USH2A: variants seen among roughly 807,000 people sequenced by gnomAD.
USH2A encodes usherin.
A neutral mutation model predicts 538.9 loss-of-function variants in USH2A; 443 were observed. The ratio of observed to expected loss-of-function variants is 0.82; its 90% CI spans 0.76 to 0.89. The LOEUF is 0.89. Among genes scored for constraint, USH2A ranks in the 40% least tolerant of loss-of-function variants. The pLI is 0.00. For synonymous variants in USH2A, 2,413 were observed against 2,273.5 expected (o/e 1.06, Z -1.75); for missense variants, 6,633 against 6,324.8 (o/e 1.05, Z -1.65).
intron 38 of USH2A, among the ~76,000 whole-genome samples, chr1:215,929,926 G>A (rs1266558012): frequency 6.6e-6 from 1 of 151,798 alleles, no homozygotes; most frequent in Admixed American, 6.6e-5. Flanking sequence ...GTGGATAAGT[G>A]GAGAGGGGGT....
At chr1:215,980,332 A>T (rs1667721481) in intron 35 of USH2A, among the ~76,000 whole-genome samples, 1 of 152,184 alleles carries the variant, frequency 6.6e-6, no homozygotes, top group South Asian at 2.1e-4. Context: ...ACAGCTAGGA[A>T]GTGGTAGAGC....
chr1:215,868,654 G>A (rs1349665213), intron 43 of USH2A, among the ~76,000 whole-genome samples: 1 of 152,188 alleles, frequency 6.6e-6, no homozygotes, highest in Non-Finnish European at 1.5e-5. Flanking sequence ...ATGTAATCAA[G>A]TTAAGATGAG....
intron 49 of USH2A, among the ~76,000 whole-genome samples, chr1:215,804,111 T>C (rs1662420483): frequency 6.6e-6 from 1 of 152,128 alleles, no homozygotes; most frequent in African/African-American, 2.4e-5. Flanking sequence ...ATCCCTTCCT[T>C]ACACCTTATA....
chr1:216,103,564 C>T (rs2032644801), intron 21 of USH2A, among the ~76,000 whole-genome samples: 1 of 152,024 alleles, frequency 6.6e-6, no homozygotes, highest in Admixed American at 6.5e-5. Flanking sequence ...AAATCCAAAT[C>T]AAGAGAAGGA....
At chr1:215,816,894 G>T in intron 48 of USH2A, 103 bp downstream of exon 48, 1 of 1,260,628 alleles carries the variant, frequency 7.9e-7, no homozygotes, top group Non-Finnish European at 1.2e-6. Flanking sequence ...ATAGAGTAGT[G>T]GAAATATTGA....
At chr1:215,908,747 T>C (rs1665701069) in intron 38 of USH2A, among the ~76,000 whole-genome samples, 1 of 151,866 alleles carries the variant, frequency 6.6e-6, no homozygotes, top group East Asian at 1.9e-4. Flanking sequence ...TTTTTATAGA[T>C]GTGGAACATT....
intron 37 of USH2A, among the ~76,000 whole-genome samples, chr1:215,958,901 C>T (rs1378118221): frequency 6.6e-6 from 1 of 152,032 alleles, no homozygotes; most frequent in African/African-American, 2.4e-5. Flanking sequence ...AAAACATATG[C>T]AGCCAAAACA....
intron 61 of USH2A, among the ~76,000 whole-genome samples, chr1:215,698,219 G>T (rs2102687429): frequency 1.3e-5 from 2 of 152,182 alleles, no homozygotes; most frequent in South Asian, 2.1e-4. Context: ...TCTTTATCCA[G>T]TCTATCATTG....
Position 215,888,782 on chromosome 1 carries a change from C to T in USH2A, c.7867G>A (p.Ala2623Thr). ...TCTGGACTTGGGATCCCTTCCGGTG[C>T]CCCTGGGAGTGTCCATACAGTCTGG... Reference protein sequence around the residue: ...ESQTVWTLPGAPEGIPSPELF... With the variant: ...ESQTVWTLPGTPEGIPSPELF... The change falls in exon 41 of 72, where the codon GCA becomes ACA. Residue 2623 changes from alanine (A) to threonine (T), a missense_variant. Coordinates refer to ENST00000307340, the MANE Select transcript of USH2A (RefSeq NM_206933.4). The T allele has an allele frequency of 6.2e-7, 1 of 1,614,058 alleles. No homozygotes were observed. The highest frequency in any genetic ancestry group is 1.3e-5 in the African/African-American group (1 of 75,000).
intron 35 of USH2A, among the ~76,000 whole-genome samples, chr1:215,989,113 A>G (rs983055452): frequency 2.6e-5 from 4 of 152,236 alleles, no homozygotes; most frequent in African/African-American, 4.8e-5. Flanking sequence ...TATATAGGCA[A>G]GCATAAAAAT....
Position 215,813,778 on chromosome 1 carries a change from T to G in USH2A, c.9697A>C (p.Asn3233His). The G allele has an allele frequency of 6.2e-7, 1 of 1,613,928 alleles. No homozygotes were observed. The highest frequency in any genetic ancestry group is 8.5e-7 in the Non-Finnish European group (1 of 1,179,870). ...CGGRIQEAQP[N>H]HQCCSGYYAR... Reference sequence around the variant, plus strand: ...TAATACCCAGAGCAGCACTGATGATTTGGTTGTGCCTCCTGTATTCGGCCA... The same window carrying G: ...TAATACCCAGAGCAGCACTGATGATGTGGTTGTGCCTCCTGTATTCGGCCA... Residue 3233 changes from asparagine to histidine, a missense_variant, in exon 49 of 72, where the codon AAT becomes CAT. By Grantham distance (68) the Asn-to-His change is moderately conservative. Coordinates refer to ENST00000307340, the MANE Select transcript of USH2A (RefSeq NM_206933.4).
intron 44 of USH2A, among the ~76,000 whole-genome samples, chr1:215,848,199 T>G (rs6668839): frequency 0.67 from 102,097 of 151,964 alleles, 34,953 homozygotes; most frequent in African/African-American, 0.8. Context: ...TTTTCTACTG[T>G]CTCACAGCAT....
chr1:216,080,488 A>G (rs1434419645), intron 26 of USH2A, among the ~76,000 whole-genome samples: 2 of 152,052 alleles, frequency 1.3e-5, no homozygotes, highest in Admixed American at 6.6e-5. Context: ...AAGGTGTGGT[A>G]GGGGCAGGAA....
chr1:215,625,776 A>G lies in USH2A; in HGVS notation c.*5T>C. On this transcript the variant is annotated 3_prime_UTR_variant, in exon 72 of 72. Coordinates refer to ENST00000307340, the MANE Select transcript of USH2A (RefSeq NM_206933.4). Reference sequence around the variant, plus strand: ...CCAGGGTTACGTCTTCTGGGTTTCCATCCTTTACAGGTGGGTGTCTGTGAA... The same window carrying G: ...CCAGGGTTACGTCTTCTGGGTTTCCGTCCTTTACAGGTGGGTGTCTGTGAA... The G allele has an allele frequency of 6.2e-7, 1 of 1,614,052 alleles. No individual in the cohort carries two copies. Among genetic ancestry groups the G allele is most frequent in the East Asian group, 2.2e-5 (1 of 44,870 alleles).
chr1:215,891,565 C>G (rs1665212265), intron 40 of USH2A, among the ~76,000 whole-genome samples: 1 of 152,130 alleles, frequency 6.6e-6, no homozygotes, highest in Admixed American at 6.5e-5. Flanking sequence ...CAATAAAAAG[C>G]TCTGAACATG....
At chr1:215,849,356 G>C (rs539286372) in intron 44 of USH2A, among the ~76,000 whole-genome samples, 6 of 152,286 alleles carry the variant, frequency 3.9e-5, no homozygotes, top group African/African-American at 1.4e-4. Context: ...ATGTAAAGGG[G>C]TCTGCCTTAA....
chr1:215,822,786 C>T (rs76817444), intron 47 of USH2A, among the ~76,000 whole-genome samples: 1 of 151,778 alleles, frequency 6.6e-6, no homozygotes, highest in Non-Finnish European at 1.5e-5. Flanking sequence ...GATGTATGCA[C>T]CTTCTATATC....
At chr1:216,294,013 T>C (rs1031725266) in intron 9 of USH2A, among the ~76,000 whole-genome samples, 1 of 152,184 alleles carries the variant, frequency 6.6e-6, no homozygotes, top group Non-Finnish European at 1.5e-5. Context: ...ATCAGAATTG[T>C]GTAAGGAGAG....
intron 62 of USH2A, among the ~76,000 whole-genome samples, chr1:215,679,397 T>C (rs554649685): frequency 1.8e-4 from 28 of 152,004 alleles, no homozygotes; most frequent in African/African-American, 6.8e-4. Context: ...CCGCAGAAGG[T>C]AGTTGATGAG....
Sources: gnomAD v4.1 joint callset for allele counts (sites outside exome capture counted in the v4.1 genomes callset) on GRCh38, gnomAD v4.1.1 for gene constraint, MANE v1.5 for transcripts, NCBI Gene and HGNC (gene_info 2026-07-23, HGNC 2026-07-21) for gene names.